Variants in EML1 observed in about 807,000 individuals in gnomAD.
EML1 encodes EMAP like 1.
A neutral mutation model predicts 110.4 loss-of-function variants in EML1; 27 were observed. The observed-to-expected ratio is 0.24, with a 90% CI of 0.18 to 0.34. EML1 has a LOEUF of 0.34. Among genes scored for constraint, EML1 ranks in the 10% least tolerant of loss-of-function variants. The pLI is 1.00. For synonymous variants in EML1, 344 were observed against 385.8 expected (o/e 0.89, Z 1.27); for missense variants, 741 against 1,030.9 (o/e 0.72, Z 3.85).
Position 99,784,160 on chromosome 14 carries a change from G to A in EML1, c.-27+10147G>A, listed in dbSNP as rs1306408799. On this transcript the variant is annotated intron_variant, in intron 1 of 22. Transcript: ENST00000327921. This position sits in a 1 kb window ranked among gnomAD's most constrained non-coding sequence, Gnocchi z 4.5. ...GGCTGGAGTGCAGTGGCACGATCAC[G>A]GCTCACTGTAGCCTTGACCACCCAG... 6.6e-6 allele frequency among the ~76,000 whole-genome samples: 1 copy of A among 151,946 alleles called. No individual in the cohort carries two copies. The highest frequency in any genetic ancestry group is 6.5e-5 in the Admixed American group (1 of 15,268).
rs541043651 is a variant in EML1 at position 99,821,989 on chromosome 14, G to A, written c.67+28446G>A. 1.9e-4 allele frequency among the ~76,000 whole-genome samples: 29 copies of A among 152,342 alleles called. No homozygotes were observed. The South Asian group carries it at 5.8e-3, about 30-fold the overall frequency. ...GAAGCACAGCTTCAAATGCTGCCAC[G>A]TGGCTGTGGAAGACTGTGGAATAAG... On this transcript the variant is annotated intron_variant, in intron 1 of 21. Coordinates refer to ENST00000262233, the MANE Select transcript of EML1 (RefSeq NM_004434.3).
chr14:99,799,244 G>T (rs1035533858), intron 1 of EML1, among the ~76,000 whole-genome samples: 1 of 152,102 alleles, frequency 6.6e-6, no homozygotes, highest in East Asian at 1.9e-4. Flanking sequence ...ATGGAATGTT[G>T]TTTTAATTTC....
chr14:99,756,874 C>T lies in EML1; in HGVS notation c.28+19014C>T, dbSNP rs1158681101. The stretch of plus-strand genomic sequence containing the variant: ...GTGTTCCCAGCCTCACACATCCGCA[C>T]GCGGCCCGCACTCTCACAGGGCGCG... On this transcript the variant is annotated intron_variant, in intron 1 of 10. Coordinates refer to the EML1 transcript ENST00000554479. 7.2e-5 allele frequency among the ~76,000 whole-genome samples: 11 copies of T among 152,292 alleles called. No individual in the cohort carries two copies. The South Asian group carries it at 2.3e-3, about 32-fold the overall frequency.
intron 1 of EML1, among the ~76,000 whole-genome samples, chr14:99,808,187 T>C (rs757306444): frequency 5.9e-5 from 9 of 152,208 alleles, no homozygotes; most frequent in Non-Finnish European, 1.2e-4. Flanking sequence ...GTTGCCACCA[T>C]CAGCTAGTGA....
At chr14:99,739,874 G>A (rs571366572) in intron 1 of EML1, among the ~76,000 whole-genome samples, 8 of 152,222 alleles carry the variant, frequency 5.3e-5, no homozygotes, top group African/African-American at 1.7e-4. Context: ...TCCCCAAGCC[G>A]TGTCGGCAGT....
At chr14:99,774,812 G>A (rs1259878196) in intron 1 of EML1, among the ~76,000 whole-genome samples, 3 of 152,194 alleles carry the variant, frequency 2.0e-5, no homozygotes, top group Non-Finnish European at 4.4e-5. Flanking sequence ...CAGAAGGAGG[G>A]GGTGGCTTGC....
chr14:99,924,059 C>T (rs192391225), intron 17 of EML1, among the ~76,000 whole-genome samples: 15 of 152,338 alleles, frequency 9.8e-5, no homozygotes, highest in Admixed American at 8.5e-4. Context: ...AATAGTGGCT[C>T]TTATCATGAG....
intron 1 of EML1, among the ~76,000 whole-genome samples, chr14:99,747,518 G>C (rs1251749347): frequency 6.6e-6 from 1 of 152,168 alleles, no homozygotes; most frequent in Non-Finnish European, 1.5e-5. Context: ...ATGTTGGGTA[G>C]ACAGTGGAGA....
At chr14:99,913,705 T>A (rs1361535342) in intron 13 of EML1, among the ~76,000 whole-genome samples, 1 of 152,144 alleles carries the variant, frequency 6.6e-6, no homozygotes, top group Admixed American at 6.6e-5. Flanking sequence ...ATCTGTTTTT[T>A]TGAGATGGAG....
upstream of EML1, among the ~76,000 whole-genome samples, chr14:99,771,536 G>T (rs1171666217): frequency 2.0e-5 from 3 of 152,204 alleles, no homozygotes; most frequent in African/African-American, 7.2e-5. Flanking sequence ...GCCAGGCTGG[G>T]CGCCATGGCT....
In EML1 at chr14:99,850,884, G is replaced by T; in HGVS notation, c.99G>T (p.Glu33Asp). The stretch of plus-strand genomic sequence containing the variant: ...GCGCTTCTGCTGCAAGTAGCATGGA[G>T]GTGACAGACCGCATTGCTTCACTGG... ...DDSASAASSMEVTDRIASLEQ... is the reference protein window; with the variant it reads ...DDSASAASSMDVTDRIASLEQ... The change falls in exon 2 of 22, where the codon GAG (glutamate) becomes GAT (aspartate). Residue 33 changes from glutamate (E) to aspartate (D), a missense_variant. Coordinates refer to ENST00000262233, the MANE Select transcript of EML1 (RefSeq NM_004434.3). 6.2e-7 allele frequency: 1 copy of T among 1,614,088 alleles called. No homozygotes were observed. Among genetic ancestry groups the T allele is most frequent in the South Asian group, 1.1e-5 (1 of 91,066 alleles).
At chr14:99,862,769 T>C (rs1293868974) in intron 2 of EML1, among the ~76,000 whole-genome samples, 1 of 152,146 alleles carries the variant, frequency 6.6e-6, no homozygotes, top group Non-Finnish European at 1.5e-5. Context: ...AGACTCCAGA[T>C]TCATGTGCTC....
At chr14:99,935,781 C>CAAAAAAAAAAA (rs1160100015) in intron 17 of EML1, among the ~76,000 whole-genome samples, 1 of 83,730 alleles carries the variant, frequency 1.2e-5, no homozygotes, top group African/African-American at 4.9e-5. Context: ...GACTCCGTCT[C>CAAAAAAAAAAA]AAAAAAAAAA....
intron 1 of EML1, among the ~76,000 whole-genome samples, chr14:99,845,415 T>G (rs1190940870): frequency 3.3e-5 from 5 of 152,178 alleles, no homozygotes; most frequent in Admixed American, 1.3e-4. Flanking sequence ...ATATTTCTCA[T>G]TCAATAGAGA....
intron 3 of EML1, among the ~76,000 whole-genome samples, chr14:99,866,403 C>T (rs993484646): frequency 2.6e-5 from 4 of 152,130 alleles, no homozygotes; most frequent in Non-Finnish European, 5.9e-5. Context: ...AGCCCTATCT[C>T]TACTAAAAAT....
chr14:99,823,600 G>C (rs1017882043), intron 1 of EML1, among the ~76,000 whole-genome samples: 2 of 152,138 alleles, frequency 1.3e-5, no homozygotes, highest in African/African-American at 4.8e-5. Context: ...CATTCTTCCT[G>C]CGTAGATTGA....
intron 4 of EML1, among the ~76,000 whole-genome samples, chr14:99,880,962 CT>C (rs141730630): frequency 6.6e-6 from 1 of 152,206 alleles, no homozygotes; most frequent in African/African-American, 2.4e-5. Context: ...CAATTCCTCA[CT>C]TTTTATTTTC....
At chr14:99,836,769 T>G (rs1367666947) in intron 1 of EML1, among the ~76,000 whole-genome samples, 1 of 152,164 alleles carries the variant, frequency 6.6e-6, no homozygotes, top group Non-Finnish European at 1.5e-5. Context: ...TATAAATATT[T>G]CGAGCTTTGT....
chr14:99,806,130 G>A (rs1330771161), intron 1 of EML1, among the ~76,000 whole-genome samples: 5 of 152,104 alleles, frequency 3.3e-5, no homozygotes, highest in Non-Finnish European at 7.3e-5. Context: ...GTTTCATGAA[G>A]TTACAGAATC....
Sources: allele counts gnomAD v4.1 joint callset (sites outside exome capture counted in the v4.1 genomes callset), GRCh38; gene constraint gnomAD v4.1.1; non-coding constraint Gnocchi (gnomAD v3.1); transcripts MANE v1.5; gene names NCBI Gene and HGNC (gene_info 2026-07-23, HGNC 2026-07-21).